The following AGAP1 variants were observed in gnomAD, a reference collection of about 807,000 sequenced individuals.
AGAP1 encodes the protein arf-GAP with GTPase, ANK repeat and PH domain-containing protein 1.
AGAP1 carries 29 observed loss-of-function variants against 105.3 expected under a neutral mutation model. That is an observed-to-expected ratio of 0.28 (90% CI 0.21 to 0.38). The LOEUF is 0.38. Ranked by LOEUF, AGAP1 falls within the 10% of genes least tolerant of loss-of-function variation. The pLI is 1.00. For synonymous variants in AGAP1, 509 were observed against 485.9 expected (o/e 1.05, Z -0.63); for missense variants, 998 against 1,165.1 (o/e 0.86, Z 2.09).
rs1016978249 is a variant in AGAP1, at chr2:235,574,555, T to C, written c.163+79706T>C. On this transcript the variant is annotated intron_variant, in intron 1 of 17. Coordinates refer to ENST00000304032, the MANE Select transcript of AGAP1 (RefSeq NM_001037131.3). The surrounding 1 kb of genome is among the most constrained non-coding windows in gnomAD (Gnocchi z 5.0). ...TAAACACTTCCCACCACTGAAGTCTTTGGTTTCCTTGATTTGATAGTTTTT... is the reference window on the plus strand; with the variant it reads ...TAAACACTTCCCACCACTGAAGTCTCTGGTTTCCTTGATTTGATAGTTTTT... 6.6e-6 allele frequency among the ~76,000 whole-genome samples: 1 copy of C among 152,214 alleles called. No homozygotes were observed. Among genetic ancestry groups the C allele is most frequent in the Non-Finnish European group, 1.5e-5 (1 of 68,032 alleles).
rs570263867 is a variant in AGAP1, at chr2:235,665,257, C to T, written c.164-43922C>T. On this transcript the variant is annotated intron_variant, in intron 1 of 17. Coordinates refer to ENST00000304032, the MANE Select transcript of AGAP1 (RefSeq NM_001037131.3). This position sits in a 1 kb window ranked among gnomAD's most constrained non-coding sequence, Gnocchi z 5.3. ...GTGTTCTGTTGGCAGGAATTGCTAT[C>T]GTTGGTCCTTAAGGAAAAACACAGG... is the stretch of plus-strand genomic sequence containing the variant. Among the ~76,000 whole-genome samples, 9 of 152,260 alleles carry T rather than the reference C, an allele frequency of 5.9e-5. No homozygotes were observed. In the South Asian group the frequency reaches 1.2e-3, roughly 21 times the overall value.
chr2:235,541,182 C>G (rs1943421371), intron 1 of AGAP1, among the ~76,000 whole-genome samples: 1 of 152,018 alleles, frequency 6.6e-6, no homozygotes, highest in Non-Finnish European at 1.5e-5. Context: ...AGATTTGCCT[C>G]ACACAAACAA....
At chr2:235,757,888 G>A (rs1041422414) in intron 6 of AGAP1, among the ~76,000 whole-genome samples, 15 of 152,160 alleles carry the variant, frequency 9.9e-5, no homozygotes, top group Admixed American at 5.9e-4. Context: ...CTAATTGCAC[G>A]CACTAGAGCA....
chr2:235,526,100 TA>T (rs67887387), intron 1 of AGAP1, among the ~76,000 whole-genome samples: 566 of 55,410 alleles, frequency 0.01, 11 homozygotes, highest in East Asian at 0.024. Context: ...GACTGATTTA[TA>T]AAGTAGAGGA....
At chr2:235,947,131 A>T (rs925657678) in intron 12 of AGAP1, among the ~76,000 whole-genome samples, 9 of 151,902 alleles carry the variant, frequency 5.9e-5, no homozygotes, top group Non-Finnish European at 1.2e-4. Context: ...GGTTACATGG[A>T]TCAGTTCTTT....
At chr2:235,912,069 A>G (rs1416688041) in intron 11 of AGAP1, among the ~76,000 whole-genome samples, 1 of 152,224 alleles carries the variant, frequency 6.6e-6, no homozygotes, top group East Asian at 1.9e-4. Context: ...GCTCAGCTTC[A>G]TTCTTGGGTT....
Position 235,566,670 on chromosome 2 carries a change from C to A in AGAP1, c.163+71821C>A. ...CTCATGCCGCAGGACCAGCCGGGAC[C>A]GGGGAGAGGCTGTTCGAGGAACACA... is the stretch of plus-strand genomic sequence containing the variant. On this transcript the variant is annotated intron_variant, in intron 1 of 17. Transcript: ENST00000304032. The surrounding 1 kb of genome is among the most constrained non-coding windows in gnomAD (Gnocchi z 5.2). The A allele has an allele frequency of 1.1e-6, 1 of 903,978 alleles. No homozygotes were observed. The highest frequency in any genetic ancestry group is 1.3e-6 in the Non-Finnish European group (1 of 755,696). The allele number at this position is 903,978 out of a possible 1,614,324, so 56.0% of individuals were successfully genotyped here.
intron 6 of AGAP1, among the ~76,000 whole-genome samples, chr2:235,790,801 G>T (rs1223215865): frequency 6.6e-6 from 1 of 152,206 alleles, no homozygotes; most frequent in East Asian, 1.9e-4. Flanking sequence ...GTTAAATACA[G>T]CATGGCCTCA....
chr2:235,801,099 G>A lies in AGAP1; in HGVS notation c.957+1577G>A, dbSNP rs1395340842. Among the ~76,000 whole-genome samples the A allele has an allele frequency of 2.6e-5, 4 of 152,036 alleles. No individual in the cohort carries two copies. Among genetic ancestry groups the A allele is most frequent in the Admixed American group, 6.5e-5 (1 of 15,270 alleles). Reference sequence around the variant, plus strand: ...GGTTGCCAGCTGCACACACCCCCTCGTCCCCAGCCTCCCCTTGCTTTTGCT... The same window carrying A: ...GGTTGCCAGCTGCACACACCCCCTCATCCCCAGCCTCCCCTTGCTTTTGCT... On this transcript the variant is annotated intron_variant, in intron 8 of 17. Transcript: ENST00000304032. The surrounding 1 kb of genome is among the most constrained non-coding windows in gnomAD (Gnocchi z 6.0).
chr2:236,049,468 C>A, intron 16 of AGAP1, 187 bp downstream of exon 16: 1 of 544,806 alleles, frequency 1.8e-6, no homozygotes. Flanking sequence ...ATAATTCACA[C>A]TCCTTAATTT....
chr2:235,600,179 T>C lies in AGAP1; in HGVS notation c.163+105330T>C, dbSNP rs1945682104. On this transcript the variant is annotated intron_variant, in intron 1 of 17. Coordinates refer to ENST00000304032, the MANE Select transcript of AGAP1 (RefSeq NM_001037131.3). The surrounding 1 kb of genome is among the most constrained non-coding windows in gnomAD (Gnocchi z 4.8). ...AAATCCAAAAAGCCGACACTGGAAA[T>C]ATTCTGTAGCTCATCTGGCAGCAGG... 6.6e-6 allele frequency among the ~76,000 whole-genome samples: 1 copy of C among 152,202 alleles called. No individual in the cohort carries two copies. Among genetic ancestry groups the C allele is most frequent in the Non-Finnish European group, 1.5e-5 (1 of 68,042 alleles).
rs1395888950 is a variant in AGAP1 at position 235,996,322 on chromosome 2, G to A, written c.1645+27699G>A. ...CTCCAGCAGAAATTAGGCCAAACTC[G>A]CCTCCTACTGCCCCTTGGCCGATTG... On this transcript the variant is annotated intron_variant, in intron 13 of 17. Coordinates refer to ENST00000304032, the MANE Select transcript of AGAP1 (RefSeq NM_001037131.3). 3.3e-5 allele frequency among the ~76,000 whole-genome samples: 5 copies of A among 152,170 alleles called. No individual in the cohort carries two copies. In the South Asian group the frequency reaches 6.2e-4, roughly 19 times the overall value.
rs1055952966 is a variant in AGAP1, at chr2:236,120,105, G to A, written c.2115-87G>A. On this transcript the variant is annotated intron_variant, in intron 16 of 17. Coordinates refer to ENST00000304032, the MANE Select transcript of AGAP1 (RefSeq NM_001037131.3). This position sits in a 1 kb window ranked among gnomAD's most constrained non-coding sequence, Gnocchi z 6.0. ...CTTTCTGTTATTTCACTTCCCTCTCGGCTTCTCCCGACCACACTGGGCAGG... is the reference window on the plus strand; with the variant it reads ...CTTTCTGTTATTTCACTTCCCTCTCAGCTTCTCCCGACCACACTGGGCAGG... 5.7e-5 allele frequency: 86 copies of A among 1,521,804 alleles called. 1 individual carries two copies. Among genetic ancestry groups the A allele is most frequent in the East Asian group, 2.5e-4 (11 of 44,126 alleles). 94.3% of individuals were successfully genotyped at this position (1,521,804 alleles called of 1,614,324 possible). A position where few individuals can be genotyped will look rare whatever the true frequency, so the allele number is the denominator to read the frequency against.
chr2:235,803,708 C>T (rs1957697291), intron 8 of AGAP1, among the ~76,000 whole-genome samples: 1 of 152,170 alleles, frequency 6.6e-6, no homozygotes, highest in Non-Finnish European at 1.5e-5. Flanking sequence ...TGTTTGTTTG[C>T]ATATATTCAT....
At position 236,113,725 on chromosome 2, in the gene AGAP1, TAG is replaced by T. The variant is rs1348017624; in HGVS notation, c.2115-6464_2115-6463del. Among the ~76,000 whole-genome samples the T allele has an allele frequency of 4.6e-5, 7 of 152,146 alleles. No homozygotes were observed. Among genetic ancestry groups the T allele is most frequent in the Non-Finnish European group, 1.5e-5 (1 of 68,024 alleles). ...GGCAAAGCCCGTCAGGCAGCAATGC[TAG>T]AGTGTCTGTCTCCGAGCTGGCAGAC... On this transcript the variant is annotated intron_variant, in intron 16 of 17. Transcript: ENST00000304032. This position sits in a 1 kb window ranked among gnomAD's most constrained non-coding sequence, Gnocchi z 4.3.
At chr2:235,527,767 A>G (rs1942896950) in intron 1 of AGAP1, among the ~76,000 whole-genome samples, 1 of 152,212 alleles carries the variant, frequency 6.6e-6, no homozygotes. Context: ...CCCACAGCCT[A>G]GCATTTCAAG....
At position 235,705,893 on chromosome 2, in the gene AGAP1, A is replaced by G. The variant is rs1950510048; in HGVS notation, c.164-3286A>G. 2.6e-5 allele frequency among the ~76,000 whole-genome samples: 4 copies of G among 152,212 alleles called. No individual in the cohort carries two copies. On this transcript the variant is annotated intron_variant, in intron 1 of 17. Transcript: ENST00000304032. This position sits in a 1 kb window ranked among gnomAD's most constrained non-coding sequence, Gnocchi z 4.9. ...GCTTAATTTATAATGAATATTTTAT[A>G]TTGTTAGAAAGTTAATCTTATGGTG...
intron 5 of AGAP1, among the ~76,000 whole-genome samples, chr2:235,746,142 G>A (rs993849312): frequency 9.9e-5 from 15 of 151,518 alleles, no homozygotes; most frequent in African/African-American, 2.7e-4. Context: ...ATAAAAAGCC[G>A]GGCATGTTGG....
chr2:236,074,082 G>A (rs1308675977), intron 16 of AGAP1, among the ~76,000 whole-genome samples: 2 of 151,820 alleles, frequency 1.3e-5, no homozygotes, highest in South Asian at 4.2e-4. Flanking sequence ...CCTGCTAGCT[G>A]TAGAGATCCA....
Sources: gnomAD v4.1 joint callset for allele counts (sites outside exome capture counted in the v4.1 genomes callset) on GRCh38, gnomAD v4.1.1 for gene constraint, Gnocchi (gnomAD v3.1) non-coding constraint, MANE v1.5 for transcripts, NCBI Gene and HGNC (gene_info 2026-07-23, HGNC 2026-07-21) for gene names.